SEMA3D: variants seen among roughly 807,000 people sequenced by gnomAD.
The protein encoded by SEMA3D is semaphorin 3D, also known as semaphorin-3D.
In SEMA3D, 84 loss-of-function variants were observed where a neutral mutation model predicts 100.1. The ratio of observed to expected loss-of-function variants is 0.84; its 90% confidence interval spans 0.70 to 1.01. The LOEUF is 1.01. Ranked by LOEUF, SEMA3D falls within the 50% of genes least tolerant of loss-of-function variation. The probability of loss-of-function intolerance (pLI) is 0.00; values close to 1 mark genes in which losing one functional copy is unlikely to be tolerated. For missense variants in SEMA3D, 875 were observed against 934.1 expected, an observed-to-expected ratio of 0.94 and a Z score of 0.82; for synonymous variants, 312 against 320.7, an observed-to-expected ratio of 0.97 and a Z score of 0.29.
chr7:85,046,322 T>C (rs541875438), intron 9 of SEMA3D, among the ~76,000 whole-genome samples: 2 of 151,994 alleles, frequency 1.3e-5, no homozygotes, highest in Non-Finnish European at 2.9e-5. Flanking sequence ...GAGAACATTC[T>C]AACTAGCAGA....
chr7:85,143,763 C>T (rs887798402), intron 2 of SEMA3D, among the ~76,000 whole-genome samples: 3 of 151,420 alleles, frequency 2.0e-5, no homozygotes, highest in Non-Finnish European at 4.4e-5. Context: ...GCTCTATCAC[C>T]CAGGCTGTAG....
At chr7:85,043,000 G>A (rs1352320271) in intron 9 of SEMA3D, among the ~76,000 whole-genome samples, 1 of 152,010 alleles carries the variant, frequency 6.6e-6, no homozygotes, top group Non-Finnish European at 1.5e-5. Context: ...CTCTTTATAG[G>A]CTTAAAAGTC....
chr7:85,220,097 C>T, the SEMA3D span, among the ~76,000 whole-genome samples: 19 of 152,034 alleles, frequency 1.2e-4, no homozygotes, highest in Non-Finnish European at 2.2e-4. Context: ...AAAATCAGTA[C>T]TTTAAAATAT....
chr7:85,019,705 A>T (rs1372248830), intron 14 of SEMA3D, among the ~76,000 whole-genome samples: 2 of 151,772 alleles, frequency 1.3e-5, no homozygotes, highest in Admixed American at 1.3e-4. Context: ...TAAAAGTCAA[A>T]GACATTCTCC....
chr7:85,018,176 T>C (rs1790156531), intron 15 of SEMA3D, 76 bp downstream of exon 15: 2 of 892,674 alleles, frequency 2.2e-6, no homozygotes, highest in South Asian at 2.9e-5. Context: ...TTTCAATGGA[T>C]TTTTTTTCAA....
At chr7:85,203,409 A>G in the SEMA3D span, among the ~76,000 whole-genome samples, 1 of 152,204 alleles carries the variant, frequency 6.6e-6, no homozygotes, top group African/African-American at 2.4e-5. Flanking sequence ...GAGACTAAAG[A>G]TAAAGTTTTA....
At chr7:85,047,323 G>A (rs566187849) in intron 9 of SEMA3D, among the ~76,000 whole-genome samples, 1 of 151,614 alleles carries the variant, frequency 6.6e-6, no homozygotes, top group South Asian at 2.1e-4. Context: ...CCTAAAGCAG[G>A]GTAATATGGC....
chr7:85,056,953 T>A (rs1049413913), intron 8 of SEMA3D, among the ~76,000 whole-genome samples: 2 of 148,948 alleles, frequency 1.3e-5, no homozygotes, highest in African/African-American at 2.5e-5. Context: ...GGTTATATAA[T>A]AAGTATTTAA....
rs1466178542 is a variant in SEMA3D at position 85,036,769 on chromosome 7, C to T, written c.1191+120G>A. 9 of 751,970 alleles carry T rather than the reference C, an allele frequency of 1.2e-5. No individual in the cohort carries two copies. The East Asian group carries it at 2.6e-4, about 21-fold the overall frequency. 46.6% of individuals were successfully genotyped at this position (751,970 alleles called of 1,614,324 possible). On this transcript the variant is annotated intron_variant, in intron 12 of 18. Coordinates refer to ENST00000284136, the MANE Select transcript of SEMA3D (RefSeq NM_001384900.1). Reference sequence around the variant, plus strand: ...GAAGGATGAAAATGCTAATACTTCACTGCAAATAAATGTTATTACAGCACA... The same window carrying T: ...GAAGGATGAAAATGCTAATACTTCATTGCAAATAAATGTTATTACAGCACA...
At chr7:85,163,446 A>G (rs1333064514) in intron 1 of SEMA3D, among the ~76,000 whole-genome samples, 1 of 152,070 alleles carries the variant, frequency 6.6e-6, no homozygotes, top group Non-Finnish European at 1.5e-5. Flanking sequence ...TTCAAAGATC[A>G]GAAATGGAAT....
chr7:85,017,763 T>A (rs904896097), intron 15 of SEMA3D, among the ~76,000 whole-genome samples: 3 of 151,798 alleles, frequency 2.0e-5, no homozygotes, highest in Admixed American at 1.3e-4. Flanking sequence ...GCATGAAGCA[T>A]CCTCTTTAAA....
chr7:85,046,464 C>G (rs995668887), intron 9 of SEMA3D, among the ~76,000 whole-genome samples: 1 of 151,734 alleles, frequency 6.6e-6, no homozygotes, highest in Non-Finnish European at 1.5e-5. Flanking sequence ...TCTCTAGCCC[C>G]TCAGGAATAA....
chr7:85,072,548 CA>C (rs1266558515), intron 6 of SEMA3D, among the ~76,000 whole-genome samples: 1 of 152,034 alleles, frequency 6.6e-6, no homozygotes, highest in Non-Finnish European at 1.5e-5. Context: ...CCATAGAAAA[CA>C]AACACTTTTA....
intron 3 of SEMA3D, among the ~76,000 whole-genome samples, chr7:85,103,236 T>G (rs1788802863): frequency 6.6e-6 from 1 of 152,012 alleles, no homozygotes; most frequent in Admixed American, 6.6e-5. Flanking sequence ...AGCCTGTATC[T>G]TAACACGTAA....
chr7:85,153,277 A>G (rs1276762458), intron 2 of SEMA3D, among the ~76,000 whole-genome samples: 1 of 152,146 alleles, frequency 6.6e-6, no homozygotes, highest in East Asian at 1.9e-4. Flanking sequence ...AACTAACAGG[A>G]CTCAAAGAAT....
At chr7:85,191,701 G>A (rs115663977), upstream of SEMA3D, among the ~76,000 whole-genome samples, 918 of 152,220 alleles carry the variant, frequency 6.0e-3, 10 homozygotes, top group African/African-American at 0.021. Context: ...GCAAGAGCAG[G>A]TCCATACAGA....
chr7:85,128,433 T>C (rs1188318945), intron 2 of SEMA3D, among the ~76,000 whole-genome samples: 1 of 152,078 alleles, frequency 6.6e-6, no homozygotes, highest in Non-Finnish European at 1.5e-5. Context: ...GCTCCCAAAG[T>C]GTTGGGATTA....
In SEMA3D at chr7:85,085,871, C is replaced by T. The variant is rs56269556; in HGVS notation, c.313-4292G>A. On this transcript the variant is annotated intron_variant, in intron 4 of 18. Transcript: ENST00000284136. ...AAGGAATACAAATCTGTAAAAGATG[C>T]TTTAATGTTTTTGTTGTACATTTTC... Among the ~76,000 whole-genome samples, 469 of 152,216 alleles carry T rather than the reference C, an allele frequency of 3.1e-3. 1 individual carries two copies. The highest frequency in any genetic ancestry group is 3.5e-3 in the South Asian group (17 of 4,822).
In SEMA3D at chr7:85,145,531, C is replaced by A. The variant is rs1450887724; in HGVS notation, c.-41+8077G>T. The stretch of plus-strand genomic sequence containing the variant: ...GAATCTTGGAAGACTAAATCTACAA[C>A]TCATAGATAAGAACTCCCATTAAAG... On this transcript the variant is annotated intron_variant, in intron 2 of 18. Coordinates refer to ENST00000284136, the MANE Select transcript of SEMA3D (RefSeq NM_001384900.1). 2.6e-5 allele frequency among the ~76,000 whole-genome samples: 4 copies of A among 151,970 alleles called. No individual in the cohort carries two copies. The East Asian group carries it at 7.8e-4, about 29-fold the overall frequency.
Sources: gnomAD v4.1 joint callset for allele counts (sites outside exome capture counted in the v4.1 genomes callset) on GRCh38, gnomAD v4.1.1 for gene constraint, MANE v1.5 for transcripts, NCBI Gene and HGNC (gene_info 2026-07-23, HGNC 2026-07-21) for gene names.